Variants in PSD3 observed in about 807,000 individuals in gnomAD.
PSD3 encodes the protein pleckstrin and Sec7 domain containing 3, also known as PH and SEC7 domain-containing protein 3.
A neutral mutation model predicts 105.5 loss-of-function variants in PSD3; 49 were observed. The ratio of observed to expected loss-of-function variants is 0.46; its 90% CI spans 0.37 to 0.59. The LOEUF is 0.59. PSD3 is among the 20% of genes least tolerant of loss of function. PSD3 has a pLI of 0.00. For synonymous variants in PSD3, 557 were observed against 457.8 expected (o/e 1.22, Z -2.77); for missense variants, 1,561 against 1,263.8 (o/e 1.24, Z -3.57).
intron 9 of PSD3, among the ~76,000 whole-genome samples, chr8:18,668,072 A>G (rs938208983): frequency 1.2e-4 from 18 of 152,016 alleles, no homozygotes; most frequent in Non-Finnish European, 2.4e-4. Flanking sequence ...CTCCCTGCAC[A>G]CCTCCCAGCA....
intron 9 of PSD3, among the ~76,000 whole-genome samples, chr8:18,661,529 C>G (rs933162714): frequency 6.6e-6 from 1 of 152,162 alleles, no homozygotes; most frequent in African/African-American, 2.4e-5. Flanking sequence ...CTTCTACTAT[C>G]GTCTCTATGC....
chr8:18,820,064 T>C (rs55968923), intron 4 of PSD3, among the ~76,000 whole-genome samples: 10,246 of 152,178 alleles, frequency 0.067, 473 homozygotes, highest in African/African-American at 0.13. Flanking sequence ...CAGGCAAGCA[T>C]CGAGAATATG....
At chr8:18,766,575 T>C (rs1474291852) in intron 8 of PSD3, among the ~76,000 whole-genome samples, 3 of 152,146 alleles carry the variant, frequency 2.0e-5, no homozygotes, top group Non-Finnish European at 4.4e-5. Flanking sequence ...AACTCAGCTG[T>C]TTATGCATTT....
intron 4 of PSD3, among the ~76,000 whole-genome samples, chr8:18,824,987 A>T (rs1813058036): frequency 6.6e-6 from 1 of 152,124 alleles, no homozygotes; most frequent in Non-Finnish European, 1.5e-5. Flanking sequence ...TCAAAGCTAT[A>T]AAAAAATACA....
At chr8:18,803,388 A>AGTGTGTGTGTGT (rs1213067142) in intron 6 of PSD3, 36 of 28,688 alleles carry the variant, frequency 1.3e-3, no homozygotes, top group Admixed American at 5.8e-3. Context: ...CAATCTATAA[A>AGTGTGTGTGTGT]CTGTGTGTGT....
At chr8:18,814,947 A>G (rs181329714) in intron 4 of PSD3, among the ~76,000 whole-genome samples, 42 of 152,348 alleles carry the variant, frequency 2.8e-4, no homozygotes, top group Admixed American at 5.2e-4. Context: ...TGTGGATAAG[A>G]ACTACAATTT....
At chr8:18,579,464 A>C (rs1802671188) in intron 12 of PSD3, among the ~76,000 whole-genome samples, 1 of 152,182 alleles carries the variant, frequency 6.6e-6, no homozygotes, top group Non-Finnish European at 1.5e-5. Context: ...ATGATGACTA[A>C]AAACATGTTA....
At chr8:19,023,416 T>TTTAC (rs1827428694) in intron 1 of PSD3, among the ~76,000 whole-genome samples, 2 of 146,132 alleles carry the variant, frequency 1.4e-5, no homozygotes, top group Non-Finnish European at 3.0e-5. Flanking sequence ...TATTTATTTA[T>TTTAC]TTATTTATTT....
In PSD3 at chr8:18,535,538, C is replaced by A. The variant is rs1799801691; in HGVS notation, c.*205G>T. The A allele has an allele frequency of 3.5e-6, 2 of 568,940 alleles. No homozygotes were observed. The highest frequency in any genetic ancestry group is 6.2e-5 in the Admixed American group (2 of 32,382). 35.2% of individuals were successfully genotyped at this position (568,940 alleles called of 1,614,324 possible). On this transcript the variant is annotated 3_prime_UTR_variant, in exon 16 of 16. Coordinates refer to ENST00000327040, the MANE Select transcript of PSD3 (RefSeq NM_015310.4). ...CTCACAGAAAAGGTGCATTAGCTATCAAGTTGCAAAAATCATCAAAGCAAA... is the reference window on the plus strand; with the variant it reads ...CTCACAGAAAAGGTGCATTAGCTATAAAGTTGCAAAAATCATCAAAGCAAA...
intron 1 of PSD3, among the ~76,000 whole-genome samples, chr8:18,964,758 C>A (rs979519967): frequency 5.9e-5 from 9 of 152,134 alleles, no homozygotes; most frequent in Non-Finnish European, 2.9e-5. Flanking sequence ...CAGTGGCCTC[C>A]TTTTTACATC....
intron 9 of PSD3, among the ~76,000 whole-genome samples, chr8:18,741,795 T>TAAAAA (rs3042866): frequency 2.5e-5 from 2 of 79,696 alleles, no homozygotes; most frequent in African/African-American, 6.1e-5. Flanking sequence ...AATTTTATTG[T>TAAAAA]AAAAAAAAAA....
At chr8:18,796,863 T>G (rs188945428) in intron 8 of PSD3, among the ~76,000 whole-genome samples, 166 of 152,296 alleles carry the variant, frequency 1.1e-3, no homozygotes, top group Non-Finnish European at 1.9e-3. Flanking sequence ...TAATGGGTGG[T>G]CATATTCTAG....
chr8:18,619,051 T>C (rs577792961), intron 11 of PSD3, among the ~76,000 whole-genome samples: 198 of 152,228 alleles, frequency 1.3e-3, no homozygotes, highest in African/African-American at 4.1e-3. Context: ...GAGCTCAAAG[T>C]GTTTTTTAAA....
intron 1 of PSD3, among the ~76,000 whole-genome samples, chr8:19,074,523 T>C (rs546814329): frequency 9.3e-5 from 14 of 151,024 alleles, no homozygotes; most frequent in Middle Eastern, 3.5e-3. Context: ...TCCAAACATG[T>C]AGTCTACTAT....
chr8:19,052,437 A>C (rs1418352548), intron 1 of PSD3, among the ~76,000 whole-genome samples: 1 of 149,760 alleles, frequency 6.7e-6, no homozygotes, highest in African/African-American at 2.5e-5. Context: ...GCACCACTGC[A>C]CTCCAGCCTG....
At chr8:18,687,722 C>T in intron 9 of PSD3, among the ~76,000 whole-genome samples, 1 of 152,068 alleles carries the variant, frequency 6.6e-6, no homozygotes, top group East Asian at 1.9e-4. Context: ...TGCGCTTGCC[C>T]ATCCCTTTTC....
rs867619071 is a variant in PSD3 at position 19,022,721 on chromosome 8, C to T, written c.324+61485G>A. On this transcript the variant is annotated intron_variant, in intron 1 of 1. Transcript: ENST00000521475. The stretch of plus-strand genomic sequence containing the variant: ...CTAGGCTTGGGGCTGGAGAGTAGCA[C>T]CCAGCTCTCTTCCAGTGGAGAGTAG... Among the ~76,000 whole-genome samples the T allele has an allele frequency of 3.3e-5, 5 of 152,310 alleles. No individual in the cohort carries two copies. The South Asian group carries it at 1.0e-3, about 32-fold the overall frequency.
chr8:18,957,492 C>T (rs1335814831), intron 1 of PSD3, among the ~76,000 whole-genome samples: 1 of 151,602 alleles, frequency 6.6e-6, no homozygotes, highest in African/African-American at 2.4e-5. Flanking sequence ...TCCACGGGCC[C>T]AACAGCTAAT....
chr8:18,582,312 C>T (rs988211495), intron 12 of PSD3, among the ~76,000 whole-genome samples: 3 of 152,154 alleles, frequency 2.0e-5, no homozygotes, highest in South Asian at 2.1e-4. Context: ...GCTGAATTGA[C>T]GTGGCACTCT....
Sources: gnomAD v4.1 joint callset for allele counts (sites outside exome capture counted in the v4.1 genomes callset) on GRCh38, gnomAD v4.1.1 for gene constraint, MANE v1.5 for transcripts, NCBI Gene and HGNC (gene_info 2026-07-23, HGNC 2026-07-21) for gene names.